Variants in DAB1 observed in about 807,000 individuals in gnomAD.
DAB1 encodes the protein disabled homolog 1.
A neutral mutation model predicts 64.6 loss-of-function variants in DAB1; 15 were observed. The observed-to-expected ratio is 0.23, with a 90% CI of 0.16 to 0.36. The LOEUF (loss-of-function observed/expected upper bound fraction) is 0.36. DAB1 is among the 10% of genes least tolerant of loss of function. The pLI is 1.00. For synonymous variants in DAB1, 235 were observed against 251.9 expected (o/e 0.93, Z 0.64); for missense variants, 596 against 706.7 (o/e 0.84, Z 1.78).
chr1:57,514,117 G>T (rs1644436945), intron 7 of DAB1, among the ~76,000 whole-genome samples: 2 of 152,012 alleles, frequency 1.3e-5, no homozygotes, highest in African/African-American at 4.8e-5. Context: ...TCCATCTTTT[G>T]GCTATTGTGA....
At chr1:57,327,378 T>G (rs1378039322) in intron 1 of DAB1, among the ~76,000 whole-genome samples, 1 of 152,144 alleles carries the variant, frequency 6.6e-6, no homozygotes, top group Non-Finnish European at 1.5e-5. Context: ...CCAGATTTAC[T>G]GCACACACCA....
Position 57,213,280 on chromosome 1 carries a change from T to C in DAB1, c.68-67851A>G, listed in dbSNP as rs75673630. Among the ~76,000 whole-genome samples the C allele has an allele frequency of 5.7e-4, 87 of 152,362 alleles. 1 individual carries two copies. In the East Asian group the frequency reaches 0.016, roughly 28 times the overall value. ...CATACAACCAATATAAACAATTACT[T>C]AGATTTTTGACAATCTTTTTCTTTT... On this transcript the variant is annotated intron_variant, in intron 2 of 14. Transcript: ENST00000371236.
At chr1:57,380,350 C>T (rs552896061) in intron 1 of DAB1, among the ~76,000 whole-genome samples, 1 of 152,170 alleles carries the variant, frequency 6.6e-6, no homozygotes, top group Non-Finnish European at 1.5e-5. Context: ...TAAATAGTGG[C>T]TACCATTATT....
chr1:58,434,833 T>C (rs1421150044), intron 3 of DAB1, among the ~76,000 whole-genome samples: 1 of 152,150 alleles, frequency 6.6e-6, no homozygotes, highest in Non-Finnish European at 1.5e-5. Flanking sequence ...TTCTCAAACT[T>C]CCTGAAAAAT....
At chr1:58,044,561 A>G (rs150224430) in intron 5 of DAB1, among the ~76,000 whole-genome samples, 128 of 152,198 alleles carry the variant, frequency 8.4e-4, no homozygotes, top group African/African-American at 2.9e-3. Context: ...AGGAGAAAGA[A>G]CTAATATAAT....
chr1:57,671,982 T>C (rs1056700982), intron 6 of DAB1, among the ~76,000 whole-genome samples: 1 of 152,166 alleles, frequency 6.6e-6, no homozygotes, highest in East Asian at 1.9e-4. Flanking sequence ...TCAACAATAA[T>C]ATACTGTTTA....
chr1:57,456,280 A>G (rs1686589057), intron 7 of DAB1, among the ~76,000 whole-genome samples: 1 of 152,192 alleles, frequency 6.6e-6, no homozygotes, highest in Non-Finnish European at 1.5e-5. Flanking sequence ...AAAGCTGCCA[A>G]TGGTTACTCA....
chr1:57,437,382 G>A (rs72676914), intron 7 of DAB1, among the ~76,000 whole-genome samples: 1,819 of 152,188 alleles, frequency 0.012, 11 homozygotes, highest in Non-Finnish European at 0.018. Flanking sequence ...TTGAAACACA[G>A]TGATGCAAAT....
rs573422720 is a variant in DAB1 at position 58,526,293 on chromosome 1, A to G, written n.107+968T>C. Among the ~76,000 whole-genome samples, 5 of 152,240 alleles carry G rather than the reference A, an allele frequency of 3.3e-5. No individual in the cohort carries two copies. In the East Asian group the frequency reaches 9.6e-4, roughly 29 times the overall value. ...CAAAGAACTGATTTTGCTTTTGTGA[A>G]GGAGTAATACCTTGATTTATGAAAT... On this transcript the variant is annotated intron_variant and non_coding_transcript_variant, in intron 2 of 20. Transcript: ENST00000485760.
At chr1:58,535,790 T>C (rs927524907) in intron 1 of DAB1, among the ~76,000 whole-genome samples, 3 of 152,042 alleles carry the variant, frequency 2.0e-5, no homozygotes, top group Admixed American at 2.0e-4. Context: ...TTACTATACT[T>C]TCCAAAGAGG....
In DAB1 at chr1:57,158,539, G is replaced by A. The variant is rs137948527; in HGVS notation, c.68-13110C>T. On this transcript the variant is annotated intron_variant, in intron 2 of 14. Transcript: ENST00000371236. ...CATCATTCTGTCCATTGCTGAAAGA[G>A]CCCTATTGTCTGTTAGGCTATCCAA... 6.3e-3 allele frequency among the ~76,000 whole-genome samples: 965 copies of A among 152,250 alleles called. 11 individuals carry two copies. Among genetic ancestry groups the A allele is most frequent in the African/African-American group, 0.022 (897 of 41,554 alleles).
At chr1:58,065,256 G>A (rs1213471222) in intron 5 of DAB1, among the ~76,000 whole-genome samples, 1 of 152,160 alleles carries the variant, frequency 6.6e-6, no homozygotes, top group Admixed American at 6.5e-5. Context: ...TTTGAATCCA[G>A]GATGTTTAGC....
At chr1:57,782,629 T>G (rs952783425) in intron 6 of DAB1, among the ~76,000 whole-genome samples, 1 of 152,140 alleles carries the variant, frequency 6.6e-6, no homozygotes. Flanking sequence ...GTTGGCAAAG[T>G]TTTTTGTTTT....
Position 58,290,220 on chromosome 1 carries a change from T to C in DAB1, n.309+53132A>G, listed in dbSNP as rs1373099907. Among the ~76,000 whole-genome samples the C allele has an allele frequency of 5.3e-5, 8 of 152,218 alleles. No individual in the cohort carries two copies. In the East Asian group the frequency reaches 1.5e-3, roughly 29 times the overall value. The stretch of plus-strand genomic sequence containing the variant: ...GTAAAGTTAATGGCATAGAGTGGCA[T>C]AAGAGCACCTGGAAGGACACCAAAT... On this transcript the variant is annotated intron_variant and non_coding_transcript_variant, in intron 4 of 20. Coordinates refer to the DAB1 transcript ENST00000485760.
intron 7 of DAB1, among the ~76,000 whole-genome samples, chr1:57,430,479 C>A (rs1028221252): frequency 4.6e-5 from 7 of 151,896 alleles, no homozygotes; most frequent in African/African-American, 1.7e-4. Context: ...GGGTTCACGC[C>A]ATTCTCCTGC....
intron 6 of DAB1, among the ~76,000 whole-genome samples, chr1:57,659,998 T>TAAAC (rs1646366876): frequency 7.0e-6 from 1 of 142,572 alleles, no homozygotes; most frequent in African/African-American, 2.9e-5. Context: ...AATAAATAAA[T>TAAAC]AAATAAATAA....
chr1:58,264,160 G>A (rs1661109128), intron 4 of DAB1, among the ~76,000 whole-genome samples: 1 of 152,206 alleles, frequency 6.6e-6, no homozygotes, highest in Admixed American at 6.5e-5. Context: ...ATCTTTAAAT[G>A]AGGATACCTC....
chr1:57,320,569 C>A (rs75035474), intron 1 of DAB1, among the ~76,000 whole-genome samples: 423 of 152,258 alleles, frequency 2.8e-3, no homozygotes, highest in Non-Finnish European at 3.5e-3. Context: ...TACTACAATG[C>A]ATGGATCTCT....
chr1:57,336,230 T>C (rs1037141424), intron 1 of DAB1, among the ~76,000 whole-genome samples: 3 of 152,216 alleles, frequency 2.0e-5, no homozygotes, highest in Non-Finnish European at 2.9e-5. Flanking sequence ...GCTCTTGTCG[T>C]TTTCTTTCTG....
Sources: allele counts gnomAD v4.1 joint callset (sites outside exome capture counted in the v4.1 genomes callset), GRCh38; gene constraint gnomAD v4.1.1; transcripts MANE v1.5; gene names NCBI Gene and HGNC (gene_info 2026-07-23, HGNC 2026-07-21).